The following ADGRV1 variants were observed in gnomAD, a reference collection of about 807,000 sequenced individuals.
ADGRV1 encodes adhesion G protein-coupled receptor V1, also known as G-protein coupled receptor 98.
A neutral mutation model predicts 596.2 loss-of-function variants in ADGRV1; 359 were observed. The observed-to-expected ratio is 0.60, with a 90% CI of 0.55 to 0.66. The LOEUF (loss-of-function observed/expected upper bound fraction) is 0.66. Among genes scored for constraint, ADGRV1 ranks in the 30% least tolerant of loss-of-function variants. The pLI is 0.00. For synonymous variants in ADGRV1, 2,681 were observed against 2,679.2 expected (o/e 1.00, Z -0.02); for missense variants, 7,274 against 7,575.6 (o/e 0.96, Z 1.48).
intron 85 of ADGRV1, among the ~76,000 whole-genome samples, chr5:91,036,855 C>T (rs1194036202): frequency 6.6e-6 from 1 of 152,054 alleles, no homozygotes; most frequent in Non-Finnish European, 1.5e-5. Context: ...GAGTTTCTGG[C>T]AGGAAATTAA....
chr5:90,872,291 GT>G (rs769697221), intron 83 of ADGRV1, among the ~76,000 whole-genome samples: 3 of 152,046 alleles, frequency 2.0e-5, no homozygotes, highest in Non-Finnish European at 2.9e-5. Context: ...GTTTTTAAGA[GT>G]TTTTTTTCCC....
At chr5:90,737,069 T>C (rs1252490196) in intron 50 of ADGRV1, among the ~76,000 whole-genome samples, 1 of 151,872 alleles carries the variant, frequency 6.6e-6, no homozygotes, top group East Asian at 1.9e-4. Context: ...ATTTTATTTC[T>C]TTTTCAATAC....
intron 83 of ADGRV1, among the ~76,000 whole-genome samples, chr5:90,903,746 CGT>C (rs1772062229): frequency 1.3e-5 from 2 of 151,840 alleles, no homozygotes; most frequent in Non-Finnish European, 1.5e-5. Context: ...TTCCCTCAAG[CGT>C]TTATCCTTCA....
At chr5:91,140,178 T>C (rs1404257321) in intron 87 of ADGRV1, among the ~76,000 whole-genome samples, 1 of 152,242 alleles carries the variant, frequency 6.6e-6, no homozygotes, top group Non-Finnish European at 1.5e-5. Context: ...ACATCTCACA[T>C]ATTTTCACCT....
At chr5:90,627,019 T>G (rs1764852726) in intron 6 of ADGRV1, among the ~76,000 whole-genome samples, 192 bp from the exon 7 acceptor site, 1 of 152,238 alleles carries the variant, frequency 6.6e-6, no homozygotes, top group South Asian at 2.1e-4. Flanking sequence ...TTTTCCTGTG[T>G]AAAATACATT....
Position 91,132,126 on chromosome 5 carries a change from GGTCTCTGTTCTGTTCC to G in ADGRV1, c.18433-17903_18433-17888del, listed in dbSNP as rs1293805714. ...TGTAGGTGTGCAACTTTATTTTGGG[GGTCTCTGTTCTGTTCC>G]ATTGGCATGACAGATTCTTGACTCT... On this transcript the variant is annotated intron_variant, in intron 87 of 89. Transcript: ENST00000405460. Among the ~76,000 whole-genome samples the G allele has an allele frequency of 1.6e-3, 240 of 152,076 alleles. 1 individual carries two copies. The highest frequency in any genetic ancestry group is 4.6e-3 in the South Asian group (22 of 4,794).
chr5:91,151,100 G>A (rs1416236598), intron 88 of ADGRV1, among the ~76,000 whole-genome samples: 3 of 152,118 alleles, frequency 2.0e-5, no homozygotes, highest in African/African-American at 4.8e-5. Flanking sequence ...AGGAAATCAA[G>A]GTACATCTGT....
At position 91,053,512 on chromosome 5, in the gene ADGRV1, A is replaced by T. The variant is rs187538078; in HGVS notation, c.18153-18935A>T. On this transcript the variant is annotated intron_variant, in intron 85 of 89. Coordinates refer to ENST00000405460, the MANE Select transcript of ADGRV1 (RefSeq NM_032119.4). Reference sequence around the variant, plus strand: ...CCTGCTTCCCTTTTTAAGTGCACAGATGATTCCTGAACCAACAGGAAACAA... The same window carrying T: ...CCTGCTTCCCTTTTTAAGTGCACAGTTGATTCCTGAACCAACAGGAAACAA... Among the ~76,000 whole-genome samples, 6 of 152,300 alleles carry T rather than the reference A, an allele frequency of 3.9e-5. No homozygotes were observed. In the East Asian group the frequency reaches 7.7e-4, roughly 20 times the overall value.
intron 4 of ADGRV1, among the ~76,000 whole-genome samples, chr5:90,619,504 TCA>T (rs1334833305): frequency 6.6e-6 from 1 of 152,184 alleles, no homozygotes; most frequent in Non-Finnish European, 1.5e-5. Flanking sequence ...TCCCCAAATG[TCA>T]CCTAAAGAAA....
chr5:90,849,573 A>G (rs994337125), intron 79 of ADGRV1, among the ~76,000 whole-genome samples: 1 of 151,934 alleles, frequency 6.6e-6, no homozygotes, highest in Non-Finnish European at 1.5e-5. Flanking sequence ...TATTTTTTGT[A>G]GAGATAGAAT....
chr5:91,032,222 T>C (rs1784540010), intron 85 of ADGRV1, among the ~76,000 whole-genome samples: 1 of 152,178 alleles, frequency 6.6e-6, no homozygotes, highest in South Asian at 2.1e-4. Flanking sequence ...AAGAGGCCAG[T>C]GTGGCTCCAA....
intron 85 of ADGRV1, among the ~76,000 whole-genome samples, chr5:91,021,403 A>C (rs1181082345): frequency 1.3e-5 from 2 of 152,144 alleles, no homozygotes; most frequent in African/African-American, 4.8e-5. Context: ...TACAAAGTTA[A>C]GTACAGAAAA....
intron 83 of ADGRV1, among the ~76,000 whole-genome samples, chr5:90,922,245 A>G (rs1264695962): frequency 2.0e-5 from 3 of 152,040 alleles, no homozygotes; most frequent in African/African-American, 4.8e-5. Context: ...TCTTCTTCCA[A>G]TCCATCTCCT....
At chr5:90,700,681 T>A (rs1229259786) in intron 34 of ADGRV1, among the ~76,000 whole-genome samples, 1 of 152,162 alleles carries the variant, frequency 6.6e-6, no homozygotes, top group East Asian at 1.9e-4. Context: ...ACACAAAGAT[T>A]TGAGCAAGAA....
intron 11 of ADGRV1, among the ~76,000 whole-genome samples, chr5:90,640,031 C>T (rs1350085642): frequency 6.6e-6 from 1 of 152,130 alleles, no homozygotes; most frequent in African/African-American, 2.4e-5. Flanking sequence ...TTTCAAATAA[C>T]ATGCTGGTTA....
intron 31 of ADGRV1, 101 bp from the exon 32 acceptor site, chr5:90,692,504 C>G: frequency 1.2e-6 from 1 of 833,552 alleles, no homozygotes; most frequent in Non-Finnish European, 1.8e-6. Flanking sequence ...CCATTTTGTT[C>G]TTGTACTTGT....
At chr5:90,712,508 G>T in intron 42 of ADGRV1, 80 bp downstream of exon 42, 1 of 1,057,372 alleles carries the variant, frequency 9.5e-7, no homozygotes. Flanking sequence ...AAAGGAATGA[G>T]AAAGTCTTGG....
At chr5:90,936,787 A>G (rs1209949739) in intron 83 of ADGRV1, among the ~76,000 whole-genome samples, 2 of 152,262 alleles carry the variant, frequency 1.3e-5, no homozygotes, top group Non-Finnish European at 2.9e-5. Flanking sequence ...TCCTTGAATT[A>G]ATTTAGAAGT....
intron 85 of ADGRV1, among the ~76,000 whole-genome samples, chr5:91,028,457 TG>T: frequency 6.6e-6 from 1 of 152,172 alleles, no homozygotes; most frequent in East Asian, 1.9e-4. Flanking sequence ...TCCTTAAAGT[TG>T]GTCTTGATAT....
Sources: allele counts gnomAD v4.1 joint callset (sites outside exome capture counted in the v4.1 genomes callset), GRCh38; gene constraint gnomAD v4.1.1; transcripts MANE v1.5; gene names NCBI Gene and HGNC (gene_info 2026-07-23, HGNC 2026-07-21).